The following TCN1 variants were observed in gnomAD, a reference collection of about 807,000 sequenced individuals.
TCN1 encodes transcobalamin-1.
TCN1 carries 47 observed loss-of-function variants against 46.3 expected under a neutral mutation model. The ratio of observed to expected loss-of-function variants is 1.01; its 90% CI spans 0.80 to 1.29. TCN1 has a LOEUF of 1.29. Among genes scored for constraint, TCN1 ranks in the 50% most tolerant of loss-of-function variants. The pLI is 0.00. For synonymous variants in TCN1, 183 were observed against 192.5 expected, an observed-to-expected ratio of 0.95 and a Z score of 0.41; for missense variants, 532 against 511.0, an observed-to-expected ratio of 1.04 and a Z score of -0.40.
intron 2 of TCN1, among the ~76,000 whole-genome samples, chr11:59,863,167 T>C (rs909728962): frequency 6.6e-6 from 1 of 152,232 alleles, no homozygotes; most frequent in Admixed American, 6.5e-5. Context: ...CCTGTATGAA[T>C]ATTTGATTCC....
Position 59,853,065 on chromosome 11 carries a change from T to A in TCN1, c.1241-29A>T, listed in dbSNP as rs776819800. 5 of 1,611,554 alleles carry A rather than the reference T, an allele frequency of 3.1e-6. No homozygotes were observed. The Admixed American group carries it at 8.3e-5, about 27-fold the overall frequency. On this transcript the variant is annotated intron_variant, in intron 8 of 8. Transcript: ENST00000257264. Reference sequence around the variant, plus strand: ...AAAAGGAAGAAGAAAGAGAACTGGGTCAAATGATTTGGCCACTAAATCACC... The same window carrying A: ...AAAAGGAAGAAGAAAGAGAACTGGGACAAATGATTTGGCCACTAAATCACC...
intron 5 of TCN1, among the ~76,000 whole-genome samples, chr11:59,856,968 C>G (rs560678339): frequency 3.3e-5 from 5 of 152,040 alleles, no homozygotes; most frequent in African/African-American, 1.2e-4. Context: ...TAAGGTGGGT[C>G]GGACTTGAAC....
intron 4 of TCN1, among the ~76,000 whole-genome samples, chr11:59,860,169 T>C (rs1190949306): frequency 6.6e-6 from 1 of 152,216 alleles, no homozygotes; most frequent in African/African-American, 2.4e-5. Context: ...AGTCTCGCTC[T>C]TGCTGCCCAG....
chr11:59,856,106 CAGAG>C lies in TCN1; in HGVS notation c.748-52_748-49del, dbSNP rs765791600. On this transcript the variant is annotated intron_variant, in intron 5 of 8. Transcript: ENST00000257264. ...GGGGGTGATGAGAGATAAAGAGAGA[CAGAG>C]AGAGAATATGAGACACTTCAAATAA... The C allele has an allele frequency of 4.0e-5, 59 of 1,469,762 alleles. No individual in the cohort carries two copies. In the African/African-American group the frequency reaches 5.1e-4, roughly 13 times the overall value. The allele number at this position is 1,469,762 out of a possible 1,614,324, so 91.0% of individuals were successfully genotyped here. A position where few individuals can be genotyped will look rare whatever the true frequency, so the allele number is the denominator to read the frequency against.
chr11:59,854,953 C>T, intron 6 of TCN1, 118 bp from the exon 7 acceptor site: 1 of 1,097,368 alleles, frequency 9.1e-7, no homozygotes, highest in Non-Finnish European at 1.4e-6. Flanking sequence ...CACGGATTTA[C>T]TATAAGGAGC....
chr11:59,859,847 C>T (rs189594258), intron 4 of TCN1, among the ~76,000 whole-genome samples: 1 of 152,232 alleles, frequency 6.6e-6, no homozygotes, highest in East Asian at 1.9e-4. Context: ...AAAGAAAATT[C>T]AAGATGCATG....
chr11:59,863,505 C>T (rs559349344), intron 2 of TCN1, among the ~76,000 whole-genome samples: 38 of 152,132 alleles, frequency 2.5e-4, no homozygotes, highest in Non-Finnish European at 4.4e-4. Context: ...AACTGAGGCT[C>T]AGTATTAACA....
At chr11:59,863,662 T>C (rs1853040254) in intron 2 of TCN1, among the ~76,000 whole-genome samples, 1 of 152,108 alleles carries the variant, frequency 6.6e-6, no homozygotes, top group Admixed American at 6.6e-5. Context: ...TGGATAAAAA[T>C]CCATAGCTTT....
intron 5 of TCN1, among the ~76,000 whole-genome samples, chr11:59,858,783 AC>A (rs1377468342): frequency 1.3e-5 from 2 of 152,222 alleles, no homozygotes; most frequent in Non-Finnish European, 2.9e-5. Context: ...GGCCTGGCCA[AC>A]ATGGTGAAAC....
At chr11:59,859,974 G>A (rs1852999244) in intron 4 of TCN1, among the ~76,000 whole-genome samples, 1 of 152,176 alleles carries the variant, frequency 6.6e-6, no homozygotes, top group Non-Finnish European at 1.5e-5. Flanking sequence ...AAACATCCTG[G>A]AAAGCATCTA....
rs535420517 is a variant in TCN1 at position 59,866,371 on chromosome 11, T to A, written c.79+21A>T. ...CAGTAGACTATCACTCTAGAGTAAT[T>A]TTAGCTCAAAGTTTACTCACCACAA... is the stretch of plus-strand genomic sequence containing the variant. On this transcript the variant is annotated intron_variant, in intron 1 of 8. Transcript: ENST00000257264. 7 of 1,611,762 alleles carry A rather than the reference T, an allele frequency of 4.3e-6. No individual in the cohort carries two copies. The South Asian group carries it at 6.6e-5, about 15-fold the overall frequency.
intron 4 of TCN1, among the ~76,000 whole-genome samples, chr11:59,859,757 G>C (rs1852997382): frequency 6.6e-6 from 1 of 152,178 alleles, no homozygotes; most frequent in Non-Finnish European, 1.5e-5. Context: ...GTGGTGTCTT[G>C]TATGTGTGTG....
At chr11:59,858,988 G>A in intron 5 of TCN1, 89 bp downstream of exon 5, 1 of 1,447,570 alleles carries the variant, frequency 6.9e-7, no homozygotes, top group Non-Finnish European at 9.6e-7. Context: ...TGGGCAACAA[G>A]AGCGAAGCTC....
intron 7 of TCN1, 21 bp from the exon 8 acceptor site, chr11:59,853,342 G>A (rs759875279): frequency 5.0e-6 from 8 of 1,604,670 alleles, no homozygotes; most frequent in South Asian, 2.2e-5. Context: ...CAGCAAGTAG[G>A]TTACTGGAAC....
rs1457810800 is a variant in TCN1 at position 59,864,038 on chromosome 11, A to G, written c.128T>C (p.Met43Thr). The part of the protein sequence containing the change: ...YIRLKPLLNT[M>T]IQSNYNRGTS... ...TCCCCTGTTATAGTTTGACTGGATC[A>G]TTGTATTCAACAGAGGTTTTAGGCG... The change falls in exon 2 of 9, where the codon ATG becomes ACG. Residue 43 changes from methionine (M) to threonine (T), a missense_variant. By Grantham distance (81) the Met-to-Thr change is moderately conservative (BLOSUM62 -1). Coordinates refer to ENST00000257264, the MANE Select transcript of TCN1 (RefSeq NM_001062.4). 4 of 1,613,948 alleles carry G rather than the reference A, an allele frequency of 2.5e-6. No individual in the cohort carries two copies. The highest frequency in any genetic ancestry group is 4.5e-5 in the East Asian group (2 of 44,882).
intron 7 of TCN1, among the ~76,000 whole-genome samples, chr11:59,854,116 T>C (rs1866696170): frequency 6.6e-6 from 1 of 151,326 alleles, no homozygotes; most frequent in Admixed American, 6.6e-5. Context: ...ATGCTAAATT[T>C]GGCAGTGGCT....
chr11:59,853,816 G>T (rs903868536), intron 7 of TCN1, among the ~76,000 whole-genome samples: 2 of 152,036 alleles, frequency 1.3e-5, no homozygotes, highest in African/African-American at 4.8e-5. Flanking sequence ...TTTATATTCC[G>T]TAGTCATTTT....
intron 5 of TCN1, among the ~76,000 whole-genome samples, chr11:59,858,722 A>T (rs1369048668): frequency 5.9e-5 from 9 of 152,208 alleles, no homozygotes; most frequent in Non-Finnish European, 1.2e-4. Flanking sequence ...TAATCCCAGC[A>T]CTTTGGGAGG....
At chr11:59,858,484 T>C (rs1852974646) in intron 5 of TCN1, among the ~76,000 whole-genome samples, 1 of 152,170 alleles carries the variant, frequency 6.6e-6, no homozygotes, top group African/African-American at 2.4e-5. Context: ...AAGCAGATTG[T>C]AGTAGACTCT....
Sources: gnomAD v4.1 joint callset for allele counts (sites outside exome capture counted in the v4.1 genomes callset) on GRCh38, gnomAD v4.1.1 for gene constraint, MANE v1.5 for transcripts, NCBI Gene and HGNC (gene_info 2026-07-23, HGNC 2026-07-21) for gene names.